PAX7: variants seen among roughly 807,000 people sequenced by gnomAD.
PAX7 encodes the protein paired box protein Pax-7.
PAX7 carries 18 observed loss-of-function variants against 50.7 expected under a neutral mutation model. The ratio of observed to expected loss-of-function variants is 0.36; its 90% confidence interval spans 0.25 to 0.53. The LOEUF (loss-of-function observed/expected upper bound fraction) is 0.53. Ranked by LOEUF, PAX7 falls within the 20% of genes least tolerant of loss-of-function variation. The pLI is 0.93. For missense variants in PAX7, 644 were observed against 702.9 expected, an observed-to-expected ratio of 0.92 and a Z score of 0.95; for synonymous variants, 310 against 290.4, an observed-to-expected ratio of 1.07 and a Z score of -0.69.
intron 4 of PAX7, among the ~76,000 whole-genome samples, chr1:18,641,961 C>CG (rs1266895260): frequency 1.3e-5 from 2 of 151,222 alleles, no homozygotes; most frequent in Non-Finnish European, 2.9e-5. Context: ...CCTCCCCCCC[C>CG]CCAACTCCCG....
At chr1:18,719,724 G>A (rs932773012) in intron 7 of PAX7, among the ~76,000 whole-genome samples, 1 of 152,176 alleles carries the variant, frequency 6.6e-6, no homozygotes, top group Admixed American at 6.5e-5. Context: ...ATCCTTCCCT[G>A]AGCCCCCTGG....
At chr1:18,716,851 GCC>G (rs2089430439) in intron 7 of PAX7, among the ~76,000 whole-genome samples, 1 of 100,256 alleles carries the variant, frequency 1.0e-5, no homozygotes, top group Admixed American at 9.9e-5. Context: ...CGCCCCCCTT[GCC>G]CTTGCCCTCT....
intron 4 of PAX7, among the ~76,000 whole-genome samples, chr1:18,663,767 T>A (rs1004428564): frequency 6.6e-6 from 1 of 152,220 alleles, no homozygotes; most frequent in Non-Finnish European, 1.5e-5. Flanking sequence ...GTATCCTAAG[T>A]TCAGAAGACA....
intron 4 of PAX7, among the ~76,000 whole-genome samples, chr1:18,689,539 G>T (rs4920526): frequency 2.0e-5 from 3 of 152,146 alleles, no homozygotes; most frequent in Admixed American, 2.0e-4. Context: ...CCATTCCTTC[G>T]CTGTGTGGCA....
Position 18,634,497 on chromosome 1 carries a change from G to A in PAX7, c.280G>A (p.Gly94Arg), listed in dbSNP as rs1407999154. ...GATTCTTTGCCGCTACCAGGAGACC[G>A]GGTCCATCCGGCCTGGGGCCATCGG... ...SKILCRYQET[G>R]SIRPGAIGGS... is the part of the protein sequence containing the mutation. Residue 94 changes from glycine (G) to arginine (R), a missense_variant, in exon 2 of 9, where the codon GGG (glycine) becomes AGG (arginine). Transcript: ENST00000420770. The surrounding 1 kb of genome is among the most constrained non-coding windows in gnomAD (Gnocchi z 4.0). 1.3e-5 allele frequency: 21 copies of A among 1,614,098 alleles called. No homozygotes were observed. Among genetic ancestry groups the A allele is most frequent in the East Asian group, 2.2e-5 (1 of 44,884 alleles).
At chr1:18,635,273 C>T (rs2088131654) in intron 3 of PAX7, 33 bp downstream of exon 3, 11 of 1,610,780 alleles carry the variant, frequency 6.8e-6, no homozygotes, top group Non-Finnish European at 9.3e-6. Flanking sequence ...AGAGCTGGCC[C>T]AGAGTGTGGC....
rs988689342 is a variant in PAX7 at position 18,682,399 on chromosome 1, C to T, written c.587-9355C>T. Among the ~76,000 whole-genome samples, 20 of 152,140 alleles carry T rather than the reference C, an allele frequency of 1.3e-4. 1 individual carries two copies. Among genetic ancestry groups the T allele is most frequent in the African/African-American group, 4.8e-4 (20 of 41,440 alleles). On this transcript the variant is annotated intron_variant, in intron 4 of 8. Coordinates refer to ENST00000420770, the MANE Select transcript of PAX7 (RefSeq NM_001135254.2). ...CAGACATCAGCATGGAGGAGTCTTG[C>T]CCTTTGCCAGCTGTTGGGCCCCATG...
At chr1:18,708,385 T>G (rs572405528) in intron 7 of PAX7, among the ~76,000 whole-genome samples, 2 of 151,994 alleles carry the variant, frequency 1.3e-5, no homozygotes, top group African/African-American at 4.8e-5. Context: ...CAAAACCCAG[T>G]GTCTACAAAA....
intron 7 of PAX7, among the ~76,000 whole-genome samples, chr1:18,716,925 C>A (rs1426424939): frequency 1.3e-5 from 2 of 151,570 alleles, no homozygotes; most frequent in Non-Finnish European, 2.9e-5. Flanking sequence ...AGGCAGGGAC[C>A]GGGCGCGGGC....
rs1175959499 is a variant in PAX7 at position 18,631,501 on chromosome 1, A to AT, written c.-103_-102insT. ...GGGGAGGGAGAAGAGGTTAAAAAAA[A>AT]GAAGACGAAGAAGACGGAAAGAAAG... On this transcript the variant is annotated 5_prime_UTR_variant, in exon 1 of 9. In the 5' UTR this introduces an upstream ATG that the reference lacks. Coordinates refer to ENST00000420770, the MANE Select transcript of PAX7 (RefSeq NM_001135254.2). 1 of 975,016 alleles carries AT rather than the reference A, an allele frequency of 1.0e-6. No individual in the cohort carries two copies. The highest frequency in any genetic ancestry group is 1.6e-6 in the Non-Finnish European group (1 of 627,132). The allele number at this position is 975,016 out of a possible 1,614,324, so 60.4% of individuals were successfully genotyped here.
intron 4 of PAX7, among the ~76,000 whole-genome samples, chr1:18,658,837 C>A (rs2088560315): frequency 6.6e-6 from 1 of 152,176 alleles, no homozygotes; most frequent in Non-Finnish European, 1.5e-5. Flanking sequence ...TGGGAGAAAC[C>A]TTTCTTCATT....
intron 4 of PAX7, among the ~76,000 whole-genome samples, chr1:18,642,454 T>A (rs1462258867): frequency 6.6e-6 from 1 of 152,160 alleles, no homozygotes; most frequent in African/African-American, 2.4e-5. Context: ...CTCTAGAGGC[T>A]CTGGGGCCTT....
intron 5 of PAX7, among the ~76,000 whole-genome samples, chr1:18,696,667 T>C (rs746613198): frequency 1.6e-4 from 24 of 152,220 alleles, no homozygotes; most frequent in Non-Finnish European, 2.8e-4. Flanking sequence ...ACTTCACATG[T>C]TCTCATTTAT....
At chr1:18,724,600 A>G (rs1452849038) in intron 7 of PAX7, among the ~76,000 whole-genome samples, 2 of 149,774 alleles carry the variant, frequency 1.3e-5, no homozygotes, top group Non-Finnish European at 3.0e-5. Context: ...AGGTAGGAAG[A>G]GGTGCTGAGC....
intron 7 of PAX7, among the ~76,000 whole-genome samples, chr1:18,734,288 G>A (rs533113177): frequency 9.2e-5 from 14 of 152,156 alleles, no homozygotes; most frequent in Admixed American, 2.0e-4. Context: ...CAGCAAAGCC[G>A]TCCCCACCTC....
At chr1:18,666,998 C>T (rs564600973) in intron 4 of PAX7, among the ~76,000 whole-genome samples, 1 of 152,182 alleles carries the variant, frequency 6.6e-6, no homozygotes, top group East Asian at 1.9e-4. Context: ...GAGAAGGGTC[C>T]CTGAGACGCT....
rs147460539 is a variant in PAX7 at position 18,656,721 on chromosome 1, G to C, written c.586+20350G>C. ...AAAGGGGGGGATAATGAGGCGAGACGTGGTGGCTCATGCCTGTAATCCCAG... is the reference window on the plus strand; with the variant it reads ...AAAGGGGGGGATAATGAGGCGAGACCTGGTGGCTCATGCCTGTAATCCCAG... On this transcript the variant is annotated intron_variant, in intron 4 of 8. Coordinates refer to ENST00000420770, the MANE Select transcript of PAX7 (RefSeq NM_001135254.2). Among the ~76,000 whole-genome samples the C allele has an allele frequency of 1.4e-3, 220 of 152,192 alleles. 1 individual carries two copies. Among genetic ancestry groups the C allele is most frequent in the African/African-American group, 4.9e-3 (204 of 41,510 alleles).
chr1:18,644,336 C>G (rs1474468362), intron 4 of PAX7, among the ~76,000 whole-genome samples: 1 of 152,186 alleles, frequency 6.6e-6, no homozygotes, highest in East Asian at 1.9e-4. Flanking sequence ...AACTCACTAG[C>G]GATATCACTC....
At chr1:18,654,171 G>A (rs1006417956) in intron 4 of PAX7, among the ~76,000 whole-genome samples, 1 of 152,184 alleles carries the variant, frequency 6.6e-6, no homozygotes, top group African/African-American at 2.4e-5. Flanking sequence ...CTGCCTGCTG[G>A]CTCTGGCTCG....
Sources: gnomAD v4.1 joint callset for allele counts (sites outside exome capture counted in the v4.1 genomes callset) on GRCh38, gnomAD v4.1.1 for gene constraint, Gnocchi (gnomAD v3.1) non-coding constraint, MANE v1.5 for transcripts, NCBI Gene and HGNC (gene_info 2026-07-23, HGNC 2026-07-21) for gene names.